SCAPER: variants seen among roughly 807,000 people sequenced by gnomAD.
The protein encoded by SCAPER is S phase cyclin A-associated protein in the endoplasmic reticulum.
Under a neutral mutation model 182.2 loss-of-function variants are expected in SCAPER, and 98 were observed. That is an observed-to-expected ratio of 0.54 (90% confidence interval 0.46 to 0.64). SCAPER has a LOEUF of 0.64. Among genes scored for constraint, SCAPER ranks in the 30% least tolerant of loss-of-function variants. SCAPER has a pLI of 0.00. For missense variants in SCAPER, 1,432 were observed against 1,690.0 expected (o/e 0.85, Z 2.68); for synonymous variants, 605 against 564.6 (o/e 1.07, Z -1.01).
At chr15:76,483,392 A>G (rs1190650458) in intron 24 of SCAPER, among the ~76,000 whole-genome samples, 3 of 152,110 alleles carry the variant, frequency 2.0e-5, no homozygotes, top group Non-Finnish European at 2.9e-5. Context: ...TAAAACCTTA[A>G]AACTTCTAGA....
At chr15:76,483,851 G>A (rs182001385) in intron 24 of SCAPER, among the ~76,000 whole-genome samples, 6 of 152,206 alleles carry the variant, frequency 3.9e-5, no homozygotes, top group Non-Finnish European at 7.4e-5. Context: ...TCAGAAATGC[G>A]GGTGAGTATG....
At chr15:76,596,326 C>CAAA (rs34691848) in intron 22 of SCAPER, among the ~76,000 whole-genome samples, 1 of 75,376 alleles carries the variant, frequency 1.3e-5, no homozygotes, top group African/African-American at 3.5e-5. Context: ...GCCTACCAAC[C>CAAA]AAAAAAAAAA....
chr15:76,449,282 C>T (rs1041648704), intron 25 of SCAPER, among the ~76,000 whole-genome samples: 23 of 152,178 alleles, frequency 1.5e-4, no homozygotes, highest in African/African-American at 5.3e-4. Flanking sequence ...ACTGACATTT[C>T]TTATTTCATG....
chr15:76,449,178 A>C (rs2048204286), intron 25 of SCAPER, among the ~76,000 whole-genome samples: 1 of 152,236 alleles, frequency 6.6e-6, no homozygotes, highest in Non-Finnish European at 1.5e-5. Context: ...AGGCCTATCA[A>C]ATATCTACTA....
intron 25 of SCAPER, among the ~76,000 whole-genome samples, chr15:76,449,292 G>A (rs903140629): frequency 1.3e-5 from 2 of 152,170 alleles, no homozygotes; most frequent in South Asian, 4.1e-4. Context: ...CTTATTTCAT[G>A]TAGTAAATCT....
At chr15:76,523,195 C>T (rs2042951365) in intron 23 of SCAPER, among the ~76,000 whole-genome samples, 1 of 151,796 alleles carries the variant, frequency 6.6e-6, no homozygotes. Flanking sequence ...ATATTTTTTA[C>T]CTTATAAAGG....
chr15:76,629,429 G>T (rs565715685), intron 21 of SCAPER, among the ~76,000 whole-genome samples: 1 of 152,260 alleles, frequency 6.6e-6, no homozygotes, highest in East Asian at 1.9e-4. Context: ...ATTGAAGTAT[G>T]TTCCTTCAAT....
chr15:76,490,354 T>C (rs1455910456), intron 24 of SCAPER, among the ~76,000 whole-genome samples: 1 of 152,218 alleles, frequency 6.6e-6, no homozygotes, highest in South Asian at 2.1e-4. Context: ...TGCTATTTCG[T>C]TGTGGTTTTG....
chr15:76,804,195 C>T (rs2065975513), intron 6 of SCAPER, among the ~76,000 whole-genome samples: 1 of 152,184 alleles, frequency 6.6e-6, no homozygotes, highest in Admixed American at 6.5e-5. Flanking sequence ...CTTCCCTGAT[C>T]TATCCTCCAA....
chr15:76,793,431 A>G, intron 8 of SCAPER: 1 of 549,070 alleles, frequency 1.8e-6, no homozygotes, highest in South Asian at 2.8e-5. Context: ...TGGGACTTTC[A>G]GCCCCAACTC....
intron 20 of SCAPER, among the ~76,000 whole-genome samples, chr15:76,692,254 A>C (rs1289560778): frequency 6.6e-6 from 1 of 152,230 alleles, no homozygotes; most frequent in Non-Finnish European, 1.5e-5. Flanking sequence ...ATACCAAAGA[A>C]ATTAGAAAAT....
intron 22 of SCAPER, among the ~76,000 whole-genome samples, chr15:76,603,822 A>G (rs2050114239): frequency 8.2e-6 from 1 of 122,102 alleles, no homozygotes; most frequent in Admixed American, 9.2e-5. Flanking sequence ...GGCTGCATAA[A>G]TGTCTTCTTT....
At chr15:76,519,206 C>T (rs1271860552) in intron 23 of SCAPER, among the ~76,000 whole-genome samples, 1 of 152,162 alleles carries the variant, frequency 6.6e-6, no homozygotes. Context: ...TTACACAACG[C>T]TTTTAATCTG....
intron 21 of SCAPER, among the ~76,000 whole-genome samples, chr15:76,637,296 C>T (rs1431558462): frequency 1.3e-5 from 2 of 152,090 alleles, no homozygotes; most frequent in African/African-American, 4.8e-5. Flanking sequence ...ATATAGAAAT[C>T]CTATGTTTAA....
At chr15:76,379,700 T>A (rs577365146) in intron 28 of SCAPER, 3 of 150,954 alleles carry the variant, frequency 2.0e-5, no homozygotes, top group Admixed American at 1.3e-4. Flanking sequence ...TTCTTTTCCT[T>A]TTTTTTTTCT....
chr15:76,890,388 T>C (rs574184436), intron 1 of SCAPER, among the ~76,000 whole-genome samples: 8 of 152,102 alleles, frequency 5.3e-5, no homozygotes, highest in Non-Finnish European at 1.0e-4. Flanking sequence ...AGCTGTTTTT[T>C]TGAAAAGATC....
intron 22 of SCAPER, among the ~76,000 whole-genome samples, chr15:76,584,752 A>G (rs2048509342): frequency 6.6e-6 from 1 of 152,066 alleles, no homozygotes; most frequent in African/African-American, 2.4e-5. Flanking sequence ...GGGTCTTGCT[A>G]TGTTGCCCAC....
intron 27 of SCAPER, among the ~76,000 whole-genome samples, chr15:76,403,089 A>C (rs1351646258): frequency 4.6e-5 from 7 of 152,198 alleles, no homozygotes; most frequent in Admixed American, 6.5e-5. Context: ...GAACACAGGG[A>C]AACTGTGTTC....
intron 21 of SCAPER, 59 bp downstream of exon 21, chr15:76,665,594 T>C: frequency 6.7e-7 from 1 of 1,501,904 alleles, no homozygotes; most frequent in Non-Finnish European, 8.9e-7. Context: ...TCCTTGGATT[T>C]ACATTAAAAG....
Sources: allele counts gnomAD v4.1 joint callset (sites outside exome capture counted in the v4.1 genomes callset), GRCh38; gene constraint gnomAD v4.1.1; transcripts MANE v1.5; gene names NCBI Gene and HGNC (gene_info 2026-07-23, HGNC 2026-07-21).